The following MACROD2 variants were observed in gnomAD, a reference collection of about 807,000 sequenced individuals.
MACROD2 encodes ADP-ribose glycohydrolase MACROD2.
In MACROD2, 36 loss-of-function variants were observed where a neutral mutation model predicts 70.4. That is an observed-to-expected ratio of 0.51 (90% CI 0.39 to 0.68). The LOEUF (loss-of-function observed/expected upper bound fraction) is 0.68, where lower values mean the gene tolerates loss of function less well. Ranked by LOEUF, MACROD2 falls within the 30% of genes least tolerant of loss-of-function variation. The pLI is 0.00. For missense variants in MACROD2, 496 were observed against 538.4 expected (o/e 0.92, Z 0.78); for synonymous variants, 172 against 178.8 (o/e 0.96, Z 0.30).
At chr20:15,036,042 A>C (rs1267764828) in intron 5 of MACROD2, among the ~76,000 whole-genome samples, 9 of 152,164 alleles carry the variant, frequency 5.9e-5, no homozygotes, top group African/African-American at 2.2e-4. Flanking sequence ...AATGAAGGGA[A>C]ATAAAGCACA....
intron 7 of MACROD2, among the ~76,000 whole-genome samples, chr20:15,490,400 G>C (rs1179814029): frequency 1.3e-5 from 2 of 152,004 alleles, no homozygotes; most frequent in East Asian, 3.9e-4. Flanking sequence ...GAGTAGCTGG[G>C]ACTGCAGGCA....
intron 3 of MACROD2, among the ~76,000 whole-genome samples, chr20:14,146,803 C>G (rs2054948678): frequency 6.6e-6 from 1 of 152,134 alleles, no homozygotes; most frequent in African/African-American, 2.4e-5. Flanking sequence ...GTTAAAGTCC[C>G]TTGCTGGACG....
chr20:15,494,884 A>G (rs796371871), intron 7 of MACROD2, among the ~76,000 whole-genome samples: 8 of 152,302 alleles, frequency 5.3e-5, no homozygotes, highest in East Asian at 3.9e-4. Flanking sequence ...CATTTACAAC[A>G]AAAGTTAATT....
At chr20:15,602,739 T>C (rs556812443) in intron 8 of MACROD2, among the ~76,000 whole-genome samples, 1 of 152,326 alleles carries the variant, frequency 6.6e-6, no homozygotes, top group South Asian at 2.1e-4. Flanking sequence ...TAAAAATGCC[T>C]GTGTAATGAG....
At chr20:14,432,923 A>G (rs1031241332) in intron 3 of MACROD2, among the ~76,000 whole-genome samples, 87 of 152,112 alleles carry the variant, frequency 5.7e-4, no homozygotes, top group Admixed American at 5.9e-4. Flanking sequence ...CTTTTTCAAT[A>G]TAGAGAGACT....
rs1005502569 is a variant in MACROD2 at position 14,431,961 on chromosome 20, G to C, written c.272-61518G>C. Among the ~76,000 whole-genome samples the C allele has an allele frequency of 3.3e-5, 5 of 152,168 alleles. No individual in the cohort carries two copies. The East Asian group carries it at 5.8e-4, about 18-fold the overall frequency. On this transcript the variant is annotated intron_variant, in intron 3 of 17. Coordinates refer to ENST00000684519, the MANE Select transcript of MACROD2 (RefSeq NM_001351661.2). ...TATTTAGAGTACTTCCACAGCAGAG[G>C]GGGTAAGTCAGGCACAAATCCAGCC... is the stretch of plus-strand genomic sequence containing the variant.
rs182761688 is a variant in MACROD2 at position 14,456,713 on chromosome 20, C to A, written c.272-36766C>A. ...ATACATTTTCTTTAAGACTCAGGAT[C>A]TTTTTTTTTTTTTTTTTTTTTGAGA... On this transcript the variant is annotated intron_variant, in intron 3 of 17. Transcript: ENST00000684519. Among the ~76,000 whole-genome samples, 646 of 101,146 alleles carry A rather than the reference C, an allele frequency of 6.4e-3. 19 individuals carry two copies. The highest frequency in any genetic ancestry group is 0.023 in the African/African-American group (626 of 27,556). 66.4% of individuals were successfully genotyped at this position (101,146 alleles called of 152,430 possible). A position where few individuals can be genotyped will look rare whatever the true frequency, so the allele number is the denominator to read the frequency against.
At chr20:14,573,588 T>TC (rs397748489) in intron 4 of MACROD2, among the ~76,000 whole-genome samples, 1 of 151,854 alleles carries the variant, frequency 6.6e-6, no homozygotes, top group Non-Finnish European at 1.5e-5. Context: ...ATTTTTTTTT[T>TC]CAGATATACT....
intron 8 of MACROD2, among the ~76,000 whole-genome samples, chr20:15,805,806 T>C (rs1428443576): frequency 6.6e-6 from 1 of 152,178 alleles, no homozygotes; most frequent in East Asian, 1.9e-4. Flanking sequence ...AGGTACATGA[T>C]GGAGAATCAG....
intron 4 of MACROD2, among the ~76,000 whole-genome samples, chr20:14,682,304 T>C (rs117184083): frequency 0.03 from 4,578 of 152,142 alleles, 100 homozygotes; most frequent in Non-Finnish European, 0.044. Flanking sequence ...TTTTCATATA[T>C]AGAGAAATTA....
chr20:14,040,279 C>G (rs552919490), intron 2 of MACROD2, among the ~76,000 whole-genome samples: 25 of 152,154 alleles, frequency 1.6e-4, no homozygotes, highest in Middle Eastern at 3.4e-3. Flanking sequence ...AAGTATACAG[C>G]ATGTTACTGT....
chr20:14,661,168 C>T (rs1986208639), intron 4 of MACROD2, among the ~76,000 whole-genome samples: 1 of 151,882 alleles, frequency 6.6e-6, no homozygotes, highest in African/African-American at 2.4e-5. Flanking sequence ...ACTCCAGCCA[C>T]CAGTGTGTAA....
chr20:15,344,745 A>G (rs532019564), intron 6 of MACROD2, among the ~76,000 whole-genome samples: 1 of 152,310 alleles, frequency 6.6e-6, no homozygotes, highest in Admixed American at 6.5e-5. Context: ...TAATGGATCC[A>G]AGATGTAGAA....
chr20:15,060,937 T>C (rs1310822278), intron 5 of MACROD2, among the ~76,000 whole-genome samples: 6 of 152,218 alleles, frequency 3.9e-5, no homozygotes, highest in African/African-American at 9.6e-5. Flanking sequence ...TTAGCCTCAT[T>C]ACAATGCCGT....
At chr20:16,004,578 GCT>G (rs1026907065) in intron 15 of MACROD2, among the ~76,000 whole-genome samples, 5 of 152,234 alleles carry the variant, frequency 3.3e-5, no homozygotes, top group Admixed American at 2.0e-4. Flanking sequence ...TTATTTAGCA[GCT>G]CTCTTATCAG....
At chr20:14,941,504 A>G (rs1399384567) in intron 5 of MACROD2, among the ~76,000 whole-genome samples, 1 of 152,138 alleles carries the variant, frequency 6.6e-6, no homozygotes, top group Non-Finnish European at 1.5e-5. Context: ...ATTTCTGCAC[A>G]CTTGATGCCA....
chr20:15,667,151 G>A (rs1004824264), intron 8 of MACROD2, among the ~76,000 whole-genome samples: 1 of 152,096 alleles, frequency 6.6e-6, no homozygotes, highest in African/African-American at 2.4e-5. Flanking sequence ...TGGCCATCAG[G>A]GTGGATCCCT....
chr20:14,605,516 G>A (rs1250704493), intron 4 of MACROD2, among the ~76,000 whole-genome samples: 4 of 152,158 alleles, frequency 2.6e-5, no homozygotes, highest in Non-Finnish European at 4.4e-5. Flanking sequence ...CGTAGGTGCT[G>A]ATGGTTAGGA....
intron 3 of MACROD2, among the ~76,000 whole-genome samples, chr20:14,406,719 C>T (rs1600208477): frequency 1.3e-5 from 2 of 152,208 alleles, no homozygotes; most frequent in East Asian, 1.9e-4. Flanking sequence ...TAGTAAATAC[C>T]TAGTAAATAT....
Sources: allele counts gnomAD v4.1 joint callset (sites outside exome capture counted in the v4.1 genomes callset), GRCh38; gene constraint gnomAD v4.1.1; transcripts MANE v1.5; gene names NCBI Gene and HGNC (gene_info 2026-07-23, HGNC 2026-07-21).